DUS2: variants seen among roughly 807,000 people sequenced by gnomAD.
The protein encoded by DUS2 is dihydrouridine synthase 2.
Under a neutral mutation model 71.3 loss-of-function variants are expected in DUS2, and 52 were observed. That is an observed-to-expected ratio of 0.73 (90% CI 0.58 to 0.92). The LOEUF (loss-of-function observed/expected upper bound fraction) is 0.92, where lower values mean the gene tolerates loss of function less well. DUS2 is among the 40% of genes least tolerant of loss of function. DUS2 has a pLI of 0.00. For synonymous variants in DUS2, 204 were observed against 227.8 expected, an observed-to-expected ratio of 0.90 and a Z score of 0.94; for missense variants, 558 against 622.6, an observed-to-expected ratio of 0.90 and a Z score of 1.10.
intron 8 of DUS2, among the ~76,000 whole-genome samples, chr16:68,064,009 C>G (rs918263770): frequency 3.9e-5 from 6 of 152,218 alleles, no homozygotes; most frequent in African/African-American, 1.4e-4. Context: ...CAGGGCATCC[C>G]CCTTGTGTAC....
chr16:68,044,568 G>A (rs572399120), intron 3 of DUS2, among the ~76,000 whole-genome samples: 3 of 151,584 alleles, frequency 2.0e-5, no homozygotes, highest in Admixed American at 2.0e-4. Flanking sequence ...GCTAATTTTT[G>A]TATTTTTTTG....
At chr16:68,053,859 A>G in intron 5 of DUS2, 1 of 567,892 alleles carries the variant, frequency 1.8e-6, no homozygotes, top group Non-Finnish European at 3.1e-6. Context: ...TCAAGCTATC[A>G]CAGTCTTATA....
At chr16:68,060,388 A>G (rs975109799) in intron 7 of DUS2, among the ~76,000 whole-genome samples, 1 of 152,042 alleles carries the variant, frequency 6.6e-6, no homozygotes, top group African/African-American at 2.4e-5. Flanking sequence ...ATCTCGGCTC[A>G]CTGCAACCTC....
At chr16:68,071,196 A>G (rs1216236258) in intron 12 of DUS2, 88 bp downstream of exon 12, 37 of 1,449,638 alleles carry the variant, frequency 2.6e-5, no homozygotes, top group Non-Finnish European at 3.1e-5. Context: ...CCCAGCTGCC[A>G]GCTGTGCTTG....
chr16:68,053,633 A>G lies in DUS2; in HGVS notation c.242A>G (p.Gln81Arg). 6.2e-7 allele frequency: 1 copy of G among 1,614,238 alleles called. No individual in the cohort carries two copies. Among genetic ancestry groups the G allele is most frequent in the Non-Finnish European group, 8.5e-7 (1 of 1,180,028 alleles). ...RVVFRTCERE[Q>R]NRVVFQMGTS... is the part of the protein sequence containing the mutation. Reference sequence around the variant, plus strand: ...GTCTTCCGCACCTGTGAAAGAGAGCAGAACAGGGTGGTCTTCCAGATGGTG... The same window carrying G: ...GTCTTCCGCACCTGTGAAAGAGAGCGGAACAGGGTGGTCTTCCAGATGGTG... Residue 81 changes from glutamine to arginine, a missense_variant, in exon 5 of 17, where the codon CAG becomes CGG. By Grantham distance (43) the Gln-to-Arg change is conservative. Transcript: ENST00000565263.
chr16:68,051,144 A>AGT (rs2033773430), intron 4 of DUS2, among the ~76,000 whole-genome samples: 1 of 152,208 alleles, frequency 6.6e-6, no homozygotes, highest in Admixed American at 6.5e-5. Flanking sequence ...TTTCATGTAT[A>AGT]GTGATCTTTG....
rs1334859145 is a variant in DUS2 at position 68,071,002 on chromosome 16, C to A, written c.704C>A (p.Ala235Glu). 1 of 1,614,242 alleles carries A rather than the reference C, an allele frequency of 6.2e-7. No homozygotes were observed. Among genetic ancestry groups the A allele is most frequent in the Admixed American group, 1.7e-5 (1 of 60,022 alleles). ...ATAGAGGACTTTCGACAAGCCACGGCAGCCTCTTCCGTGATGGTGGCCCGA... is the reference window on the plus strand; with the variant it reads ...ATAGAGGACTTTCGACAAGCCACGGAAGCCTCTTCCGTGATGGTGGCCCGA... ...SDIEDFRQAT[A>E]ASSVMVARAA... Residue 235 changes from alanine to glutamate, a missense_variant, in exon 12 of 17, where the codon GCA becomes GAA. Physicochemically the swap from Ala to Glu is moderately radical, Grantham distance 107. Transcript: ENST00000565263.
intron 12 of DUS2, among the ~76,000 whole-genome samples, chr16:68,073,303 C>G (rs2034112752): frequency 6.6e-6 from 1 of 152,120 alleles, no homozygotes. Flanking sequence ...GATAGGGTCT[C>G]AGTCTGTTGC....
At chr16:68,071,565 C>T (rs1199526489) in intron 12 of DUS2, among the ~76,000 whole-genome samples, 1 of 151,796 alleles carries the variant, frequency 6.6e-6, no homozygotes, top group Non-Finnish European at 1.5e-5. Flanking sequence ...ACTCATCAGT[C>T]GAAATAATTT....
chr16:68,039,867 G>A (rs1567471612), intron 3 of DUS2, among the ~76,000 whole-genome samples: 2 of 152,092 alleles, frequency 1.3e-5, no homozygotes, highest in African/African-American at 4.8e-5. Context: ...TAGCAGATGA[G>A]GGAATAGAAA....
intron 8 of DUS2, 57 bp downstream of exon 8, chr16:68,061,170 G>T: frequency 6.5e-7 from 1 of 1,545,096 alleles, no homozygotes; most frequent in Non-Finnish European, 8.9e-7. Context: ...AACTAGAATT[G>T]TCTAGAACGC....
intron 2 of DUS2, chr16:68,026,875 G>GAAAAAAAAAAAAAAA (rs397723152): frequency 1.6e-5 from 1 of 63,676 alleles, no homozygotes; most frequent in African/African-American, 6.0e-5. Flanking sequence ...GAGTCTATCT[G>GAAAAAAAAAAAAAAA]AAAAAAAAAA....
In DUS2 at chr16:68,078,960, G is replaced by A; in HGVS notation, c.1456G>A (p.Glu486Lys). 6.3e-7 allele frequency: 1 copy of A among 1,585,740 alleles called. No homozygotes were observed. Among genetic ancestry groups the A allele is most frequent in the South Asian group, 1.1e-5 (1 of 88,222 alleles). The change falls in exon 17 of 17, where the codon GAA becomes AAA. Residue 486 changes from glutamate to lysine, a missense_variant. Glu to Lys is a moderately conservative substitution (Grantham distance 56, BLOSUM62 1). Coordinates refer to ENST00000565263, the MANE Select transcript of DUS2 (RefSeq NM_017803.5). ...GCCCTTTGTGGCCTTGGGAAGTGGT[G>A]AAGAAAGCCCCCTGGAAGGCTGGTG... ...KKPFVALGSG[E>K]ESPLEGW is the part of the protein sequence containing the mutation.
rs573334250 is a variant in DUS2 at position 68,041,401 on chromosome 16, G to A, written c.126+3252G>A. ...TTTTTATAAGAATGGTGGGATTCTG[G>A]TGTTCCTGTCTGTGAAGAGACACTG... On this transcript the variant is annotated intron_variant, in intron 3 of 16. Transcript: ENST00000565263. 4.6e-5 allele frequency among the ~76,000 whole-genome samples: 7 copies of A among 152,098 alleles called. No individual in the cohort carries two copies. The South Asian group carries it at 1.5e-3, about 32-fold the overall frequency.
At chr16:68,075,303 T>G in intron 13 of DUS2, 52 bp from the exon 14 acceptor site, 1 of 1,498,136 alleles carries the variant, frequency 6.7e-7, no homozygotes, top group Non-Finnish European at 8.9e-7. Context: ...TGCAGTACCC[T>G]GGATGCTGGC....
At position 68,047,683 on chromosome 16, in the gene DUS2, A is replaced by G. The variant is rs138012263; in HGVS notation, c.127-1822A>G. Reference sequence around the variant, plus strand: ...ATTTTAGTAGAGATGGGGTTTCACCATGTTGGCCAGGATGGTCTTGAACTC... The same window carrying G: ...ATTTTAGTAGAGATGGGGTTTCACCGTGTTGGCCAGGATGGTCTTGAACTC... On this transcript the variant is annotated intron_variant, in intron 3 of 16. Transcript: ENST00000565263. 1.8e-3 allele frequency among the ~76,000 whole-genome samples: 277 copies of G among 151,376 alleles called. 4 individuals are homozygous for G. The highest frequency in any genetic ancestry group is 6.3e-3 in the African/African-American group (260 of 41,252).
intron 3 of DUS2, among the ~76,000 whole-genome samples, chr16:68,040,833 G>A (rs1336645697): frequency 6.6e-6 from 1 of 152,072 alleles, no homozygotes; most frequent in Non-Finnish European, 1.5e-5. Flanking sequence ...GGTGGCGGGG[G>A]GGAGTTGATG....
At position 68,054,753 on chromosome 16, in the gene DUS2, C is replaced by T. The variant is rs534823099; in HGVS notation, c.308+136C>T. ...ACCTTCTGTTTCCAGGTTAAGAGTG[C>T]CTGGTTTCCAGCCAGGTGCGGTGGC... is the stretch of plus-strand genomic sequence containing the variant. On this transcript the variant is annotated intron_variant, in intron 6 of 16. Coordinates refer to ENST00000565263, the MANE Select transcript of DUS2 (RefSeq NM_017803.5). The T allele has an allele frequency of 4.6e-6, 5 of 1,095,334 alleles. No homozygotes were observed. In the East Asian group the frequency reaches 1.2e-4, roughly 26 times the overall value. The allele number at this position is 1,095,334 out of a possible 1,614,324, so 67.9% of individuals were successfully genotyped here.
intron 4 of DUS2, among the ~76,000 whole-genome samples, chr16:68,052,934 C>T (rs1243797725): frequency 2.0e-5 from 3 of 151,292 alleles, no homozygotes; most frequent in South Asian, 2.1e-4. Flanking sequence ...TGAGCCACTG[C>T]GCCCGGCTAT....
Sources: allele counts gnomAD v4.1 joint callset (sites outside exome capture counted in the v4.1 genomes callset), GRCh38; gene constraint gnomAD v4.1.1; transcripts MANE v1.5; gene names NCBI Gene and HGNC (gene_info 2026-07-23, HGNC 2026-07-21).